Variants in AGAP1 observed in about 807,000 individuals in gnomAD.
AGAP1 encodes arf-GAP with GTPase, ANK repeat and PH domain-containing protein 1.
Under a neutral mutation model 105.3 loss-of-function variants are expected in AGAP1, and 29 were observed. The observed-to-expected ratio is 0.28, with a 90% CI of 0.21 to 0.38. The LOEUF (loss-of-function observed/expected upper bound fraction) is 0.38. AGAP1 is among the 10% of genes least tolerant of loss of function. The probability of loss-of-function intolerance (pLI) is 1.00; values close to 1 mark genes in which losing one functional copy is unlikely to be tolerated. For missense variants in AGAP1, 998 were observed against 1,165.1 expected, an observed-to-expected ratio of 0.86 and a Z score of 2.09; for synonymous variants, 509 against 485.9, an observed-to-expected ratio of 1.05 and a Z score of -0.63.
In AGAP1 at chr2:235,672,636, G is replaced by A. The variant is rs114569158; in HGVS notation, c.164-36543G>A. Among the ~76,000 whole-genome samples, 657 of 152,330 alleles carry A rather than the reference G, an allele frequency of 4.3e-3. 7 individuals are homozygous for A. The highest frequency in any genetic ancestry group is 0.015 in the African/African-American group (630 of 41,586). The stretch of plus-strand genomic sequence containing the variant: ...CTTTCAGAGGAAGTTAAGACCTGAA[G>A]GTCTCAGTTCTCTAATAGCAGGCTT... On this transcript the variant is annotated intron_variant, in intron 1 of 17. Coordinates refer to ENST00000304032, the MANE Select transcript of AGAP1 (RefSeq NM_001037131.3).
chr2:235,662,527 T>C lies in AGAP1; in HGVS notation c.164-46652T>C, dbSNP rs950274382. Among the ~76,000 whole-genome samples, 4 of 151,754 alleles carry C rather than the reference T, an allele frequency of 2.6e-5. No homozygotes were observed. Among genetic ancestry groups the C allele is most frequent in the African/African-American group, 7.2e-5 (3 of 41,412 alleles). On this transcript the variant is annotated intron_variant, in intron 1 of 17. Coordinates refer to ENST00000304032, the MANE Select transcript of AGAP1 (RefSeq NM_001037131.3). The surrounding 1 kb of genome is among the most constrained non-coding windows in gnomAD (Gnocchi z 4.2). ...TCATGGAAGTTGGTGATTTTTTTTT[T>C]TTTTTTTTTGGCTCTGTTGCCCAGG...
chr2:235,756,617 C>T, intron 6 of AGAP1, among the ~76,000 whole-genome samples: 1 of 152,150 alleles, frequency 6.6e-6, no homozygotes, highest in Admixed American at 6.5e-5. Flanking sequence ...TGTTTATTTG[C>T]ATCCCAGCAT....
At position 235,731,815 on chromosome 2, in the gene AGAP1, T is replaced by G. The variant is rs541012866; in HGVS notation, c.311-9148T>G. Among the ~76,000 whole-genome samples the G allele has an allele frequency of 3.3e-5, 5 of 152,210 alleles. No homozygotes were observed. The East Asian group carries it at 9.7e-4, about 29-fold the overall frequency. On this transcript the variant is annotated intron_variant, in intron 3 of 17. Transcript: ENST00000304032. ...GGGTCACACAGCCTATGTGTGAGGT[T>G]TACATAATAAACGTCAAAAAACGCA... is the stretch of plus-strand genomic sequence containing the variant.
In AGAP1 at chr2:235,601,318, C is replaced by G. The variant is rs144245997; in HGVS notation, c.163+106469C>G. ...GAAGGGAAGGAGAAAGAGATGGAGA[C>G]AGGTTTGCTGTCTCTTCCTCTTGTT... is the stretch of plus-strand genomic sequence containing the variant. On this transcript the variant is annotated intron_variant, in intron 1 of 17. Transcript: ENST00000304032. The surrounding 1 kb of genome is among the most constrained non-coding windows in gnomAD (Gnocchi z 4.4). 2.7e-3 allele frequency among the ~76,000 whole-genome samples: 412 copies of G among 152,256 alleles called. 1 individual carries two copies. Among genetic ancestry groups the G allele is most frequent in the Middle Eastern group, 6.8e-3 (2 of 294 alleles).
At chr2:235,770,079 A>C (rs1054933952) in intron 6 of AGAP1, among the ~76,000 whole-genome samples, 1 of 150,750 alleles carries the variant, frequency 6.6e-6, no homozygotes, top group African/African-American at 2.4e-5. Context: ...CTATAATCCC[A>C]CCTCCTAGTA....
chr2:235,607,822 C>T (rs1945996847), intron 1 of AGAP1, among the ~76,000 whole-genome samples: 1 of 152,174 alleles, frequency 6.6e-6, no homozygotes, highest in Non-Finnish European at 1.5e-5. Flanking sequence ...GGCCCCAAGT[C>T]ACTATCGGGG....
intron 5 of AGAP1, among the ~76,000 whole-genome samples, chr2:235,745,155 AATAC>A (rs1952830151): frequency 6.6e-6 from 1 of 152,174 alleles, no homozygotes; most frequent in East Asian, 1.9e-4. Context: ...TATATAGTCA[AATAC>A]ATATATATAT....
chr2:236,106,477 G>C (rs1364985138), intron 16 of AGAP1, among the ~76,000 whole-genome samples: 1 of 152,230 alleles, frequency 6.6e-6, no homozygotes, highest in African/African-American at 2.4e-5. Flanking sequence ...GCTAGCCCCT[G>C]CCCTCTGTGT....
rs535626736 is a variant in AGAP1 at position 236,082,931 on chromosome 2, G to A, written c.2114+33650G>A. 3.7e-4 allele frequency among the ~76,000 whole-genome samples: 57 copies of A among 152,080 alleles called. No homozygotes were observed. Among genetic ancestry groups the A allele is most frequent in the Admixed American group, 7.9e-4 (12 of 15,270 alleles). On this transcript the variant is annotated intron_variant, in intron 16 of 17. Transcript: ENST00000304032. The surrounding 1 kb of genome is among the most constrained non-coding windows in gnomAD (Gnocchi z 4.2). ...AGCACTCTGGGAGGCCGAGGTGGCC[G>A]GATCACCTGAGGTCAGGAATTCAAG...
At chr2:235,547,452 G>A (rs895134989) in intron 1 of AGAP1, among the ~76,000 whole-genome samples, 6 of 150,158 alleles carry the variant, frequency 4.0e-5, no homozygotes, top group Non-Finnish European at 5.9e-5. Context: ...TCTGCCTCCC[G>A]GGTTCAAGCG....
In AGAP1 at chr2:235,736,766, A is replaced by C. The variant is rs564011654; in HGVS notation, c.311-4197A>C. On this transcript the variant is annotated intron_variant, in intron 3 of 17. Coordinates refer to ENST00000304032, the MANE Select transcript of AGAP1 (RefSeq NM_001037131.3). The surrounding 1 kb of genome is among the most constrained non-coding windows in gnomAD (Gnocchi z 5.5). ...TGAGGTGGGAGGATCTTTTGAGCCT[A>C]GGCAGTCGAGGCTGCAGTGAGTCAT... Among the ~76,000 whole-genome samples, 3 of 152,242 alleles carry C rather than the reference A, an allele frequency of 2.0e-5. No individual in the cohort carries two copies. In the South Asian group the frequency reaches 6.2e-4, roughly 32 times the overall value.
rs1364040222 is a variant in AGAP1, at chr2:235,982,127, CAA to C, written c.1645+13506_1645+13507del. On this transcript the variant is annotated intron_variant, in intron 13 of 17. Coordinates refer to ENST00000304032, the MANE Select transcript of AGAP1 (RefSeq NM_001037131.3). This position sits in a 1 kb window ranked among gnomAD's most constrained non-coding sequence, Gnocchi z 4.9. ...ACCAGATCCACGAAGAACAAATGAT[CAA>C]AGTTTCAAAGGCTGTAATTTTGGAA... Among the ~76,000 whole-genome samples, 2 of 152,250 alleles carry C rather than the reference CAA, an allele frequency of 1.3e-5. No individual in the cohort carries two copies. The highest frequency in any genetic ancestry group is 6.5e-5 in the Admixed American group (1 of 15,290).
intron 1 of AGAP1, among the ~76,000 whole-genome samples, chr2:235,695,762 C>T (rs1048321249): frequency 2.0e-5 from 3 of 152,172 alleles, no homozygotes; most frequent in Non-Finnish European, 2.9e-5. Flanking sequence ...ACAAAGAAAC[C>T]ATGCGTATTC....
At chr2:235,895,011 C>T (rs2050736579) in intron 10 of AGAP1, among the ~76,000 whole-genome samples, 1 of 152,190 alleles carries the variant, frequency 6.6e-6, no homozygotes, top group South Asian at 2.1e-4. Flanking sequence ...CGGCCTCGGC[C>T]TCCGTTTTCT....
chr2:236,122,392 C>T (rs1022650266), intron 17 of AGAP1, among the ~76,000 whole-genome samples: 2 of 152,154 alleles, frequency 1.3e-5, no homozygotes, highest in East Asian at 3.9e-4. Context: ...TTGGTGGGAG[C>T]GGGGGACACA....
chr2:235,626,989 A>G (rs1455786199), intron 1 of AGAP1, among the ~76,000 whole-genome samples: 1 of 151,734 alleles, frequency 6.6e-6, no homozygotes, highest in Non-Finnish European at 1.5e-5. Flanking sequence ...GCGCATAGAT[A>G]TGTTGGGTTT....
intron 16 of AGAP1, among the ~76,000 whole-genome samples, chr2:236,059,868 G>A (rs1207183127): frequency 1.3e-5 from 2 of 152,006 alleles, no homozygotes; most frequent in Non-Finnish European, 2.9e-5. Flanking sequence ...GAGGCGGGTG[G>A]ACACTTGAGG....
At chr2:236,066,367 A>G (rs2125777647) in intron 16 of AGAP1, among the ~76,000 whole-genome samples, 1 of 152,278 alleles carries the variant, frequency 6.6e-6, no homozygotes, top group South Asian at 2.1e-4. Context: ...TTGGGACTAC[A>G]GACACCTGCC....
At chr2:235,984,299 A>G (rs2055212906) in intron 13 of AGAP1, among the ~76,000 whole-genome samples, 1 of 152,138 alleles carries the variant, frequency 6.6e-6, no homozygotes, top group Admixed American at 6.5e-5. Flanking sequence ...TTGTTGACAG[A>G]CACTTGGATT....
Sources: allele counts gnomAD v4.1 joint callset (sites outside exome capture counted in the v4.1 genomes callset), GRCh38; gene constraint gnomAD v4.1.1; non-coding constraint Gnocchi (gnomAD v3.1); transcripts MANE v1.5; gene names NCBI Gene and HGNC (gene_info 2026-07-23, HGNC 2026-07-21).